The following PODXL2 variants were observed in gnomAD, a reference collection of about 807,000 sequenced individuals.
The protein encoded by PODXL2 is podocalyxin like 2.
PODXL2 carries 17 observed loss-of-function variants against 53.4 expected under a neutral mutation model. The ratio of observed to expected loss-of-function variants is 0.32; its 90% CI spans 0.22 to 0.48. The LOEUF (loss-of-function observed/expected upper bound fraction) is 0.48, where lower values mean the gene tolerates loss of function less well. Among genes scored for constraint, PODXL2 ranks in the 20% least tolerant of loss-of-function variants. The probability of loss-of-function intolerance (pLI) is 0.99; values close to 1 mark genes in which losing one functional copy is unlikely to be tolerated. For synonymous variants in PODXL2, 311 were observed against 306.7 expected, an observed-to-expected ratio of 1.01 and a Z score of -0.15; for missense variants, 673 against 760.0, an observed-to-expected ratio of 0.89 and a Z score of 1.35.
chr3:127,629,383 T>G lies in PODXL2; in HGVS notation c.70+94T>G, dbSNP rs1487175345. On this transcript the variant is annotated intron_variant, in intron 1 of 7. Coordinates refer to ENST00000342480, the MANE Select transcript of PODXL2 (RefSeq NM_015720.4). The surrounding 1 kb of genome is among the most constrained non-coding windows in gnomAD (Gnocchi z 6.4). Reference sequence around the variant, plus strand: ...CGGGCCGCCAACAAAGGGGCCAGAGTGCGGCGCCGCCGGGAGCGCGCGTGT... The same window carrying G: ...CGGGCCGCCAACAAAGGGGCCAGAGGGCGGCGCCGCCGGGAGCGCGCGTGT... 2 of 958,272 alleles carry G rather than the reference T, an allele frequency of 2.1e-6. No homozygotes were observed. Among genetic ancestry groups the G allele is most frequent in the Non-Finnish European group, 2.5e-6 (2 of 806,014 alleles). The allele number at this position is 958,272 out of a possible 1,614,324, so 59.4% of individuals were successfully genotyped here. A position where few individuals can be genotyped will look rare whatever the true frequency, so the allele number is the denominator to read the frequency against.
chr3:127,642,148 G>A (rs542577245), intron 2 of PODXL2, among the ~76,000 whole-genome samples: 2 of 152,072 alleles, frequency 1.3e-5, no homozygotes, highest in Admixed American at 1.3e-4. Flanking sequence ...AAATTAGCCA[G>A]GTGTGGTGGC....
chr3:127,646,904 T>C (rs1356284338), intron 2 of PODXL2, among the ~76,000 whole-genome samples: 1 of 152,300 alleles, frequency 6.6e-6, no homozygotes, highest in East Asian at 1.9e-4. Context: ...GGGAGCACAT[T>C]GATGACACAT....
intron 5 of PODXL2, 44 bp from the exon 6 acceptor site, chr3:127,669,097 C>T (rs766153973): frequency 1.4e-6 from 2 of 1,424,572 alleles, no homozygotes; most frequent in East Asian, 2.4e-5. Flanking sequence ...GGGGCACGCA[C>T]CTCAGCCATG....
chr3:127,638,641 G>T (rs867186344), intron 1 of PODXL2, among the ~76,000 whole-genome samples: 13 of 152,266 alleles, frequency 8.5e-5, no homozygotes, highest in Admixed American at 5.2e-4. Flanking sequence ...CTTGAACCTG[G>T]GAGGCGGAGA....
chr3:127,654,150 CTT>C (rs2074706958), intron 2 of PODXL2, among the ~76,000 whole-genome samples: 1 of 152,184 alleles, frequency 6.6e-6, no homozygotes, highest in African/African-American at 2.4e-5. Context: ...TCTTTTGTCT[CTT>C]TTTTATTCTG....
intron 2 of PODXL2, among the ~76,000 whole-genome samples, chr3:127,653,299 A>G (rs988276840): frequency 6.6e-6 from 1 of 152,102 alleles, no homozygotes; most frequent in Non-Finnish European, 1.5e-5. Flanking sequence ...GTCCCTTGCC[A>G]TGTTTCTATT....
chr3:127,650,084 G>A (rs1386444739), intron 2 of PODXL2, among the ~76,000 whole-genome samples: 4 of 152,166 alleles, frequency 2.6e-5, no homozygotes, highest in Non-Finnish European at 5.9e-5. Flanking sequence ...AATTTTCAGT[G>A]ACTTGACATT....
intron 4 of PODXL2, chr3:127,666,075 A>G (rs1009882859): frequency 3.8e-6 from 1 of 266,332 alleles, no homozygotes. Context: ...TAATGCATGT[A>G]CACATATTAA....
At position 127,631,956 on chromosome 3, in the gene PODXL2, A is replaced by G. The variant is rs139341220; in HGVS notation, c.70+2667A>G. 5.2e-3 allele frequency among the ~76,000 whole-genome samples: 791 copies of G among 152,302 alleles called. 6 individuals are homozygous for G. Among genetic ancestry groups the G allele is most frequent in the African/African-American group, 0.017 (721 of 41,554 alleles). ...AATCTTTGCCAATTCCTATTAGACC[A>G]TTGGGAAGGGAAGACAAAGAAGGAA... On this transcript the variant is annotated intron_variant, in intron 1 of 7. Transcript: ENST00000342480.
chr3:127,668,101 CGTGTGTGTGTGTGTGTGTGTGT>C (rs55716588), intron 4 of PODXL2, among the ~76,000 whole-genome samples: 1 of 145,758 alleles, frequency 6.9e-6, no homozygotes, highest in Admixed American at 6.8e-5. Context: ...TACATGGCTG[CGTGTGTGTGTGTGTGTGTGTGT>C]GTGTGTGTGT....
Position 127,660,590 on chromosome 3 carries a change from G to A in PODXL2, c.562G>A (p.Glu188Lys). 2 of 1,614,102 alleles carry A rather than the reference G, an allele frequency of 1.2e-6. No individual in the cohort carries two copies. Among genetic ancestry groups the A allele is most frequent in the Non-Finnish European group, 1.7e-6 (2 of 1,179,972 alleles). The change falls in exon 3 of 8, where the codon GAG becomes AAG. Residue 188 changes from glutamate (E) to lysine (K), a missense_variant. Coordinates refer to ENST00000342480, the MANE Select transcript of PODXL2 (RefSeq NM_015720.4). Reference protein sequence around the residue: ...VEKQEEEEEEELLPVNGSQEE... With the variant: ...VEKQEEEEEEKLLPVNGSQEE... ...GAAACAAGAGGAGGAGGAAGAGGAG[G>A]AGCTGCTCCCTGTGAATGGATCCCA...
Position 127,668,560 on chromosome 3 carries a change from G to A in PODXL2, c.1326G>A (p.Lys442=). 1 of 1,570,108 alleles carries A rather than the reference G, an allele frequency of 6.4e-7. No homozygotes were observed. The highest frequency in any genetic ancestry group is 1.3e-5 in the African/African-American group (1 of 74,096). The change falls in exon 5 of 8, where the codon AAG becomes AAA. Residue 442 remains lysine, a synonymous_variant. Transcript: ENST00000342480. ...WHISLSKPSE[K]EQHLLMTLVG... is the part of the protein sequence containing the mutation. ...TCTCTCTGAGCAAGCCCAGCGAGAA[G>A]GAGCAGCACCTTCTCATGACACTGG... is the stretch of plus-strand genomic sequence containing the variant.
rs1406519626 is a variant in PODXL2 at position 127,672,405 on chromosome 3, G to A, written c.1743G>A (p.Gly581=). 3.2e-6 allele frequency: 5 copies of A among 1,543,430 alleles called. No individual in the cohort carries two copies. In the South Asian group the frequency reaches 6.0e-5, roughly 18 times the overall value. ...GCGGCGGGGCCCTCAACGGCCCGGG[G>A]AGCTGGGGGGCGCTCATGGGGGGCA... ...LNGGGALNGP[G]SWGALMGGKR... The change falls in exon 8 of 8, where the codon GGG becomes GGA. Residue 581 remains glycine (G), a synonymous_variant. Transcript: ENST00000342480.
intron 5 of PODXL2, 23 bp from the exon 6 acceptor site, chr3:127,669,118 T>TAGTGGTG: frequency 6.4e-7 from 1 of 1,565,942 alleles, no homozygotes; most frequent in Non-Finnish European, 8.7e-7. Context: ...GTCACACTGA[T>TAGTGGTG]AGTGGTGTTT....
intron 5 of PODXL2, 109 bp downstream of exon 5, chr3:127,668,706 C>A: frequency 9.2e-7 from 1 of 1,091,600 alleles, no homozygotes. Flanking sequence ...ACTTGGAACT[C>A]CAGGACAGTA....
intron 2 of PODXL2, among the ~76,000 whole-genome samples, chr3:127,658,781 T>C (rs1241403552): frequency 6.6e-6 from 1 of 152,204 alleles, no homozygotes; most frequent in Admixed American, 6.5e-5. Context: ...TCATTCACCT[T>C]GATGATACAA....
intron 6 of PODXL2, among the ~76,000 whole-genome samples, 169 bp from the exon 7 acceptor site, chr3:127,671,265 T>A (rs1440843550): frequency 6.6e-6 from 1 of 151,918 alleles, no homozygotes; most frequent in Non-Finnish European, 1.5e-5. Context: ...GCAAACGGGA[T>A]GGGCATGGGG....
chr3:127,631,014 C>T (rs1020362169), intron 1 of PODXL2, among the ~76,000 whole-genome samples: 3 of 152,234 alleles, frequency 2.0e-5, no homozygotes, highest in Non-Finnish European at 4.4e-5. Flanking sequence ...CTCTCCCGTG[C>T]ATGCTCTTCA....
chr3:127,631,204 G>A (rs1208205762), intron 1 of PODXL2, among the ~76,000 whole-genome samples: 1 of 152,192 alleles, frequency 6.6e-6, no homozygotes, highest in Non-Finnish European at 1.5e-5. Flanking sequence ...ACACTTAAGG[G>A]TGAGGAGCTG....
Sources: gnomAD v4.1 joint callset for allele counts (sites outside exome capture counted in the v4.1 genomes callset) on GRCh38, gnomAD v4.1.1 for gene constraint, Gnocchi (gnomAD v3.1) non-coding constraint, MANE v1.5 for transcripts, NCBI Gene and HGNC (gene_info 2026-07-23, HGNC 2026-07-21) for gene names.